Variants in DYNC1I1 observed in about 807,000 individuals in gnomAD.
DYNC1I1 encodes cytoplasmic dynein 1 intermediate chain 1.
Under a neutral mutation model 86.6 loss-of-function variants are expected in DYNC1I1, and 43 were observed. The ratio of observed to expected loss-of-function variants is 0.50; its 90% CI spans 0.39 to 0.64. DYNC1I1 has a LOEUF of 0.64. DYNC1I1 is among the 30% of genes least tolerant of loss of function. DYNC1I1 has a pLI of 0.00. For synonymous variants in DYNC1I1, 262 were observed against 283.7 expected (o/e 0.92, Z 0.77); for missense variants, 604 against 788.8 (o/e 0.77, Z 2.81).
intron 5 of DYNC1I1, among the ~76,000 whole-genome samples, chr7:95,838,524 C>T (rs1486014378): frequency 6.6e-6 from 1 of 152,120 alleles, no homozygotes; most frequent in Non-Finnish European, 1.5e-5. Flanking sequence ...TATTCAAGGT[C>T]TTTTGGGGTT....
chr7:95,862,943 A>T (rs1789926124), intron 5 of DYNC1I1, among the ~76,000 whole-genome samples: 1 of 152,184 alleles, frequency 6.6e-6, no homozygotes, highest in Non-Finnish European at 1.5e-5. Flanking sequence ...ATAAATTGTT[A>T]TACTGTATTT....
intron 6 of DYNC1I1, among the ~76,000 whole-genome samples, chr7:95,912,195 C>T (rs2116345514): frequency 6.6e-6 from 1 of 152,266 alleles, no homozygotes; most frequent in South Asian, 2.1e-4. Context: ...TGCCACCACA[C>T]CCGGCTAATT....
chr7:95,975,078 C>T (rs1030700728), intron 6 of DYNC1I1, among the ~76,000 whole-genome samples: 11 of 152,124 alleles, frequency 7.2e-5, no homozygotes, highest in African/African-American at 2.7e-4. Flanking sequence ...ATTCTGTCTT[C>T]TCATCTGTAA....
intron 14 of DYNC1I1, among the ~76,000 whole-genome samples, chr7:96,053,064 T>C (rs1048551653): frequency 1.3e-5 from 2 of 152,194 alleles, no homozygotes; most frequent in Non-Finnish European, 1.5e-5. Context: ...AGTAGTTGAT[T>C]GGATTATGAA....
intron 5 of DYNC1I1, among the ~76,000 whole-genome samples, chr7:95,840,039 G>A (rs1044734234): frequency 6.6e-6 from 1 of 151,898 alleles, no homozygotes; most frequent in African/African-American, 2.4e-5. Context: ...TTTATAATAT[G>A]TCCTTGGTTT....
intron 1 of DYNC1I1, among the ~76,000 whole-genome samples, chr7:95,773,628 A>G (rs1041413406): frequency 3.3e-5 from 5 of 152,178 alleles, no homozygotes; most frequent in African/African-American, 1.2e-4. Flanking sequence ...TCTGGCCTCT[A>G]CTAATCCTAG....
chr7:96,097,658 A>G lies in DYNC1I1; in HGVS notation c.*65A>G. ...TCCTAGAGCTCAGCGTCTGCAGTCA[A>G]GTCTCTTGTATTCGGTGTCCATTCA... On this transcript the variant is annotated 3_prime_UTR_variant, in exon 17 of 17. Coordinates refer to ENST00000447467, the MANE Select transcript of DYNC1I1 (RefSeq NM_001135556.2). 1.2e-6 allele frequency: 2 copies of G among 1,600,046 alleles called. No individual in the cohort carries two copies. Among genetic ancestry groups the G allele is most frequent in the Non-Finnish European group, 8.5e-7 (1 of 1,172,120 alleles).
intron 5 of DYNC1I1, among the ~76,000 whole-genome samples, chr7:95,837,839 C>T (rs890162824): frequency 1.3e-5 from 2 of 152,376 alleles, no homozygotes; most frequent in South Asian, 2.1e-4. Flanking sequence ...GCGCATGGTG[C>T]GCGCACCCAC....
intron 1 of DYNC1I1, among the ~76,000 whole-genome samples, chr7:95,776,343 C>T (rs928556873): frequency 6.6e-6 from 1 of 152,104 alleles, no homozygotes; most frequent in Non-Finnish European, 1.5e-5. Flanking sequence ...GGTGCTAATC[C>T]TCATGAGCTC....
intron 6 of DYNC1I1, among the ~76,000 whole-genome samples, chr7:95,923,680 A>G (rs1791669433): frequency 6.6e-6 from 1 of 152,194 alleles, no homozygotes; most frequent in Admixed American, 6.6e-5. Flanking sequence ...TTCTCTACAC[A>G]GTTAAAACAA....
chr7:96,033,459 G>A (rs887965745), intron 12 of DYNC1I1, among the ~76,000 whole-genome samples: 5 of 152,090 alleles, frequency 3.3e-5, no homozygotes, highest in African/African-American at 9.7e-5. Flanking sequence ...CAAGACATGC[G>A]CATACACACA....
chr7:95,920,294 A>C (rs962645572), intron 6 of DYNC1I1, among the ~76,000 whole-genome samples: 12 of 152,208 alleles, frequency 7.9e-5, no homozygotes, highest in Non-Finnish European at 7.3e-5. Flanking sequence ...AACATCACGC[A>C]AATTTCACTA....
downstream of DYNC1I1, chr7:96,110,317 C>T: frequency 5.3e-6 from 1 of 187,618 alleles, no homozygotes; most frequent in Non-Finnish European, 1.1e-5. Context: ...CTTAAATCTA[C>T]TTTGACTGAT....
intron 6 of DYNC1I1, among the ~76,000 whole-genome samples, chr7:95,925,260 AAAT>A (rs1295338928): frequency 6.6e-6 from 1 of 152,132 alleles, no homozygotes; most frequent in African/African-American, 2.4e-5. Context: ...ACCAGAGTGA[AAAT>A]TTGTGTCTAA....
intron 1 of DYNC1I1, among the ~76,000 whole-genome samples, chr7:95,803,208 A>G (rs2115788118): frequency 1.3e-5 from 2 of 152,344 alleles, no homozygotes; most frequent in Middle Eastern, 6.8e-3. Context: ...TACATGTGAT[A>G]ATGAATGTCA....
intron 6 of DYNC1I1, among the ~76,000 whole-genome samples, chr7:95,956,489 C>T (rs975728836): frequency 7.3e-5 from 11 of 151,612 alleles, no homozygotes; most frequent in Non-Finnish European, 1.5e-4. Context: ...ACCCATTAAC[C>T]GGTCATCTAC....
intron 1 of DYNC1I1, among the ~76,000 whole-genome samples, chr7:95,774,289 G>T (rs1793784663): frequency 6.6e-6 from 1 of 151,966 alleles, no homozygotes; most frequent in African/African-American, 2.4e-5. Flanking sequence ...ATTTTACTTT[G>T]TCTTCCTTGT....
chr7:95,801,439 A>G (rs1184554063), intron 1 of DYNC1I1, among the ~76,000 whole-genome samples: 1 of 152,222 alleles, frequency 6.6e-6, no homozygotes, highest in Non-Finnish European at 1.5e-5. Flanking sequence ...TAACAAATAC[A>G]AGACTTTCTT....
chr7:96,008,492 T>C (rs1201510306), intron 10 of DYNC1I1, among the ~76,000 whole-genome samples: 1 of 152,210 alleles, frequency 6.6e-6, no homozygotes, highest in Admixed American at 6.5e-5. Flanking sequence ...GAGCTCAATT[T>C]ACAGATTATT....
Sources: gnomAD v4.1 joint callset for allele counts (sites outside exome capture counted in the v4.1 genomes callset) on GRCh38, gnomAD v4.1.1 for gene constraint, MANE v1.5 for transcripts, NCBI Gene and HGNC (gene_info 2026-07-23, HGNC 2026-07-21) for gene names.